The following UBE4A variants were observed in gnomAD, a reference collection of about 807,000 sequenced individuals.
UBE4A encodes ubiquitin conjugation factor E4 A.
In UBE4A, 48 loss-of-function variants were observed where a neutral mutation model predicts 117.9. The observed-to-expected ratio is 0.41, with a 90% CI of 0.32 to 0.52. UBE4A has a LOEUF of 0.52. UBE4A is among the 20% of genes least tolerant of loss of function. The probability of loss-of-function intolerance (pLI) is 0.33; values close to 1 mark genes in which losing one functional copy is unlikely to be tolerated. For missense variants in UBE4A, 1,067 were observed against 1,296.3 expected, an observed-to-expected ratio of 0.82 and a Z score of 2.72; for synonymous variants, 407 against 450.0, an observed-to-expected ratio of 0.90 and a Z score of 1.21.
chr11:118,372,454 C>T (rs553525731), intron 5 of UBE4A, 53 bp from the exon 6 acceptor site: 108 of 1,539,788 alleles, frequency 7.0e-5, no homozygotes, highest in South Asian at 4.9e-4. Context: ...TGTCTACTTT[C>T]GTTCCAGATT....
intron 19 of UBE4A, among the ~76,000 whole-genome samples, chr11:118,394,627 C>G (rs782003957): frequency 6.6e-6 from 1 of 151,700 alleles, no homozygotes; most frequent in Non-Finnish European, 1.5e-5. Flanking sequence ...AAAAATTAGC[C>G]GGGAGTGGTG....
rs781926695 is a variant in UBE4A, at chr11:118,384,952, A to G, written c.2412+7A>G. The G allele has an allele frequency of 7.5e-7, 1 of 1,327,510 alleles. No individual in the cohort carries two copies. Among genetic ancestry groups the G allele is most frequent in the Non-Finnish European group, 1.0e-6 (1 of 991,840 alleles). 82.2% of individuals were successfully genotyped at this position (1,327,510 alleles called of 1,614,324 possible). A position where few individuals can be genotyped will look rare whatever the true frequency, so the allele number is the denominator to read the frequency against. ...TTTGGATGAAGCCATACAGGTAAAA[A>G]AAAAAAAAAAAAAAAAGATTTAACT... is the stretch of plus-strand genomic sequence containing the variant. On this transcript the variant is annotated splice_region_variant and intron_variant, in intron 15 of 19. Transcript: ENST00000252108.
chr11:118,369,016 A>G (rs1948587270), intron 3 of UBE4A, among the ~76,000 whole-genome samples: 1 of 152,188 alleles, frequency 6.6e-6, no homozygotes, highest in Non-Finnish European at 1.5e-5. Context: ...TTCAATACTG[A>G]CTGCACTATA....
At chr11:118,388,057 A>T (rs1016988935) in intron 16 of UBE4A, among the ~76,000 whole-genome samples, 2 of 152,228 alleles carry the variant, frequency 1.3e-5, no homozygotes, top group African/African-American at 4.8e-5. Flanking sequence ...CTCTGAAAAT[A>T]AGCAAATAAG....
At position 118,371,660 on chromosome 11, in the gene UBE4A, G is replaced by C; in HGVS notation, c.555G>C (p.Lys185Asn). 6.2e-7 allele frequency: 1 copy of C among 1,611,836 alleles called. No individual in the cohort carries two copies. The highest frequency in any genetic ancestry group is 8.5e-7 in the Non-Finnish European group (1 of 1,179,862). The change falls in exon 5 of 20, where the codon AAG (lysine) becomes AAC (asparagine). Residue 185 changes from lysine to asparagine, a missense_variant. By Grantham distance (94) the Lys-to-Asn change is moderately conservative (BLOSUM62 0). Around this residue, in one of 3 missense-constraint regions of UBE4A, gnomAD observed 1,001 missense variants for 1,184.0 expected, o/e 0.85. Transcript: ENST00000252108. ...CYLYSCFQRA[K>N]EEITKVPENL... ...TTTACTCCTGCTTCCAGAGAGCCAA[G>C]GAAGAGGTAAAGGAATAATCCCCAT...
intron 9 of UBE4A, 57 bp from the exon 10 acceptor site, chr11:118,376,517 A>G: frequency 1.9e-6 from 3 of 1,595,812 alleles, no homozygotes; most frequent in South Asian, 1.1e-5. Flanking sequence ...GAATGAGTGT[A>G]AGAGGAGACT....
Position 118,368,712 on chromosome 11 carries a change from T to G in UBE4A, c.203T>G (p.Ile68Ser). 1 of 1,614,210 alleles carries G rather than the reference T, an allele frequency of 6.2e-7. No individual in the cohort carries two copies. Among genetic ancestry groups the G allele is most frequent in the Middle Eastern group, 1.6e-4 (1 of 6,062 alleles). ...LDEFDYSVAE[I>S]SRSFRSQQEI... Reference sequence around the variant, plus strand: ...GAATTCGATTACTCTGTGGCTGAGATTAGCCGCTCATTCCGATCACAGCAG... The same window carrying G: ...GAATTCGATTACTCTGTGGCTGAGAGTAGCCGCTCATTCCGATCACAGCAG... The change falls in exon 3 of 20, where the codon ATT becomes AGT. Residue 68 changes from isoleucine to serine, a missense_variant. By Grantham distance (142) the Ile-to-Ser change is moderately radical. Transcript: ENST00000252108.
At chr11:118,390,579 T>A in intron 17 of UBE4A, 78 bp from the exon 18 acceptor site, 2 of 1,252,448 alleles carry the variant, frequency 1.6e-6, no homozygotes, top group Non-Finnish European at 2.1e-6. Context: ...TGAGAATGCT[T>A]GTTCTGCAGC....
chr11:118,395,190 A>G (rs1158513818), intron 19 of UBE4A, among the ~76,000 whole-genome samples: 2 of 151,922 alleles, frequency 1.3e-5, no homozygotes, highest in African/African-American at 2.4e-5. Context: ...TTAGCTGGGC[A>G]TGATAGCACG....
rs782440999 is a variant in UBE4A, at chr11:118,382,766, C to T, written c.2187C>T (p.Ile729=). The T allele has an allele frequency of 2.3e-5, 37 of 1,584,104 alleles. No individual in the cohort carries two copies. The South Asian group carries it at 3.5e-4, about 15-fold the overall frequency. ...AEALIKVFVD[I]EFTGDPHQFE... ...CTCTAATCAAGGTTTTTGTGGACAT[C>T]GAATTTACAGGTAAAGCAGTCATGA... The change falls in exon 13 of 20, where the codon ATC becomes ATT. Residue 729 remains isoleucine (I), a synonymous_variant. Transcript: ENST00000252108.
chr11:118,381,848 TATATG>T (rs1167613080), intron 12 of UBE4A, among the ~76,000 whole-genome samples: 8 of 152,246 alleles, frequency 5.3e-5, no homozygotes, highest in Non-Finnish European at 2.9e-5. Flanking sequence ...TTCTAATAAT[TATATG>T]ATAATAAAGC....
intron 19 of UBE4A, among the ~76,000 whole-genome samples, chr11:118,393,368 G>T (rs1261392932): frequency 6.6e-6 from 1 of 152,174 alleles, no homozygotes; most frequent in Admixed American, 6.5e-5. Context: ...AATGAGCCGA[G>T]ATCGCACCAC....
intron 19 of UBE4A, among the ~76,000 whole-genome samples, chr11:118,393,194 A>C (rs1591310120): frequency 6.6e-6 from 1 of 152,112 alleles, no homozygotes; most frequent in South Asian, 2.1e-4. Context: ...AGGCAGGTGG[A>C]TCACTTGAGG....
intron 10 of UBE4A, among the ~76,000 whole-genome samples, chr11:118,376,896 A>C (rs1948657313): frequency 6.6e-6 from 1 of 152,044 alleles, no homozygotes; most frequent in African/African-American, 2.4e-5. Flanking sequence ...TCTACCAAAA[A>C]AAAAAAATTA....
intron 12 of UBE4A, among the ~76,000 whole-genome samples, chr11:118,382,094 C>G (rs576047690): frequency 1.3e-5 from 2 of 152,168 alleles, no homozygotes; most frequent in African/African-American, 2.4e-5. Context: ...TTCCCTGAGC[C>G]GTATCAGTGA....
At chr11:118,372,470 G>A (rs1166633872) in intron 5 of UBE4A, 37 bp from the exon 6 acceptor site, 1 of 1,586,950 alleles carries the variant, frequency 6.3e-7, no homozygotes, top group East Asian at 2.2e-5. Flanking sequence ...AGATTACAGA[G>A]TTAGACTATT....
chr11:118,382,488 A>G, intron 12 of UBE4A, 101 bp from the exon 13 acceptor site: 1 of 1,033,500 alleles, frequency 9.7e-7, no homozygotes, highest in Non-Finnish European at 1.3e-6. Flanking sequence ...TTTTTCCTGT[A>G]ATATGGTTTA....
At chr11:118,360,955 A>G (rs1948515229) in intron 1 of UBE4A, among the ~76,000 whole-genome samples, 1 of 151,398 alleles carries the variant, frequency 6.6e-6, no homozygotes. Context: ...TGAAAATAGG[A>G]AAAAAAATAC....
chr11:118,386,849 C>A (rs1366238333), intron 16 of UBE4A, among the ~76,000 whole-genome samples: 1 of 152,186 alleles, frequency 6.6e-6, no homozygotes, highest in Non-Finnish European at 1.5e-5. Context: ...GTGGTAAAAT[C>A]TTTCTTGAGG....
Sources: allele counts gnomAD v4.1 joint callset (sites outside exome capture counted in the v4.1 genomes callset), GRCh38; gene constraint gnomAD v4.1.1; regional missense constraint gnomAD v4.1.1; transcripts MANE v1.5; gene names NCBI Gene and HGNC (gene_info 2026-07-23, HGNC 2026-07-21).